MAN2B2: variants seen among roughly 807,000 people sequenced by gnomAD.
MAN2B2 encodes mannosidase alpha class 2B member 2.
A neutral mutation model predicts 117.1 loss-of-function variants in MAN2B2; 106 were observed. The ratio of observed to expected loss-of-function variants is 0.90; its 90% CI spans 0.77 to 1.06. The LOEUF (loss-of-function observed/expected upper bound fraction) is 1.06, where lower values mean the gene tolerates loss of function less well. Ranked by LOEUF, MAN2B2 falls within the 50% of genes least tolerant of loss-of-function variation. The probability of loss-of-function intolerance (pLI) is 0.00; values close to 1 mark genes in which losing one functional copy is unlikely to be tolerated. For synonymous variants in MAN2B2, 544 were observed against 595.1 expected (o/e 0.91, Z 1.25); for missense variants, 1,326 against 1,381.4 (o/e 0.96, Z 0.64).
intron 3 of MAN2B2, 114 bp from the exon 4 acceptor site, chr4:6,586,882 C>T: frequency 1.1e-6 from 1 of 882,582 alleles, no homozygotes; most frequent in Non-Finnish European, 1.8e-6. Flanking sequence ...CCCTGCCTGG[C>T]CCAGTAGCTG....
chr4:6,605,599 C>CT (rs1426261348), intron 11 of MAN2B2, among the ~76,000 whole-genome samples: 7 of 151,674 alleles, frequency 4.6e-5, no homozygotes, highest in Non-Finnish European at 7.4e-5. Flanking sequence ...AAAATTACCA[C>CT]TTTTTTTTTA....
chr4:6,619,953 G>C lies in MAN2B2; in HGVS notation c.2841G>C (p.Val947=). ...CTGTGCTGCAGGCGCTGGGGTCCGT[G>C]GTGGCAGTGGAGGAGCGCTCGCTCA... ...LEAVLQALGS[V]VAVEERSLTG... is the part of the protein sequence containing the mutation. The change falls in exon 18 of 19, where the codon GTG becomes GTC. Residue 947 remains valine, a synonymous_variant. Transcript: ENST00000285599. 5 of 1,613,930 alleles carry C rather than the reference G, an allele frequency of 3.1e-6. No homozygotes were observed. The highest frequency in any genetic ancestry group is 4.2e-6 in the Non-Finnish European group (5 of 1,179,974).
intron 6 of MAN2B2, among the ~76,000 whole-genome samples, chr4:6,593,694 T>C (rs925789379): frequency 1.3e-5 from 2 of 152,232 alleles, no homozygotes; most frequent in African/African-American, 4.8e-5. Context: ...GCAGGCTTCA[T>C]AGGCTTGGTG....
intron 16 of MAN2B2, among the ~76,000 whole-genome samples, chr4:6,616,369 A>G (rs1711874192): frequency 6.6e-6 from 1 of 152,092 alleles, no homozygotes; most frequent in South Asian, 2.1e-4. Context: ...ATCATGTGGC[A>G]AATGACAGCA....
At chr4:6,597,900 A>G (rs1449070501) in intron 8 of MAN2B2, among the ~76,000 whole-genome samples, 1 of 152,206 alleles carries the variant, frequency 6.6e-6, no homozygotes, top group Non-Finnish European at 1.5e-5. Context: ...CCCCAAAAGG[A>G]GCTGCTGGCA....
intron 3 of MAN2B2, among the ~76,000 whole-genome samples, chr4:6,579,295 C>CCAT (rs1726296707): frequency 4.3e-5 from 4 of 93,796 alleles, no homozygotes; most frequent in Non-Finnish European, 9.4e-5. Context: ...ACCATCACCA[C>CCAT]CACCATCACC....
At chr4:6,590,970 A>G (rs1368385910) in intron 5 of MAN2B2, among the ~76,000 whole-genome samples, 1 of 152,164 alleles carries the variant, frequency 6.6e-6, no homozygotes, top group East Asian at 1.9e-4. Context: ...CCAACCTGGT[A>G]AAACTCTGTC....
At chr4:6,615,017 A>C (rs1711796080) in intron 16 of MAN2B2, among the ~76,000 whole-genome samples, 1 of 152,132 alleles carries the variant, frequency 6.6e-6, no homozygotes, top group African/African-American at 2.4e-5. Context: ...CCCCCTCTAC[A>C]CCGTGAGCAG....
chr4:6,584,206 C>CT (rs1414805897), intron 3 of MAN2B2, among the ~76,000 whole-genome samples: 1 of 152,222 alleles, frequency 6.6e-6, no homozygotes, highest in Non-Finnish European at 1.5e-5. Context: ...GCTTGTCTAA[C>CT]TACCTGTAAC....
rs1007745238 is a variant in MAN2B2, at chr4:6,609,136, A to G, written c.1844A>G (p.Gln615Arg). The G allele has an allele frequency of 1.9e-6, 3 of 1,614,040 alleles. No individual in the cohort carries two copies. Among genetic ancestry groups the G allele is most frequent in the Non-Finnish European group, 2.5e-6 (3 of 1,180,024 alleles). Residue 615 changes from glutamine (Q) to arginine (R), a missense_variant, in exon 12 of 19, where the codon CAG becomes CGG. Gln to Arg is a conservative substitution (Grantham distance 43, BLOSUM62 1). Transcript: ENST00000285599. ...RQSNRTVRVT[Q>R]EFLEYHVNGD... Reference sequence around the variant, plus strand: ...AGTAACCGAACGGTGCGCGTGACCCAGGAATTCCTGGAGTACCACGTCAAC... The same window carrying G: ...AGTAACCGAACGGTGCGCGTGACCCGGGAATTCCTGGAGTACCACGTCAAC...
At position 6,609,788 on chromosome 4, in the gene MAN2B2, TCTC is replaced by T. The variant is rs761151003; in HGVS notation, c.2007-5_2007-3del. 1.8e-5 allele frequency: 29 copies of T among 1,609,638 alleles called. No homozygotes were observed. Among genetic ancestry groups the T allele is most frequent in the Non-Finnish European group, 2.4e-5 (28 of 1,176,736 alleles). ...GGAGCTTCACTTACTGATGCTCCCT[TCTC>T]CTCCAGGAACATGACAGCACAGAAT... On this transcript the variant is annotated splice_polypyrimidine_tract_variant and splice_region_variant and intron_variant, in intron 12 of 18. Coordinates refer to ENST00000285599, the MANE Select transcript of MAN2B2 (RefSeq NM_015274.3).
chr4:6,593,607 G>GC lies in MAN2B2; in HGVS notation c.858+258dup, dbSNP rs1577280970. On this transcript the variant is annotated intron_variant, in intron 6 of 18. Coordinates refer to ENST00000285599, the MANE Select transcript of MAN2B2 (RefSeq NM_015274.3). Reference sequence around the variant, plus strand: ...TCTCTTCCCTGCCTGGGCCGGGCTGGCTCCCGGCTCGGGCACTGCGTGCCT... The same window carrying GC: ...TCTCTTCCCTGCCTGGGCCGGGCTGGCCTCCCGGCTCGGGCACTGCGTGCCT... Among the ~76,000 whole-genome samples, 10 of 152,284 alleles carry GC rather than the reference G, an allele frequency of 6.6e-5. No homozygotes were observed. In the East Asian group the frequency reaches 1.9e-3, roughly 29 times the overall value.
At chr4:6,608,652 G>C (rs944109222) in intron 11 of MAN2B2, among the ~76,000 whole-genome samples, 3 of 152,156 alleles carry the variant, frequency 2.0e-5, no homozygotes, top group African/African-American at 7.2e-5. Context: ...AGTGGGATGG[G>C]TTAACAGTCC....
chr4:6,597,711 G>T (rs565385442), intron 8 of MAN2B2, among the ~76,000 whole-genome samples: 4 of 152,262 alleles, frequency 2.6e-5, no homozygotes, highest in Admixed American at 6.5e-5. Context: ...TGGGGCAATT[G>T]GATGTGCTGG....
chr4:6,589,267 C>CAGAAG, intron 5 of MAN2B2, 107 bp downstream of exon 5: 1 of 850,662 alleles, frequency 1.2e-6, no homozygotes, highest in Non-Finnish European at 1.9e-6. Context: ...AAGACAAGAG[C>CAGAAG]TTCTGCTCTG....
intron 13 of MAN2B2, 52 bp downstream of exon 13, chr4:6,610,102 C>T: frequency 4.4e-6 from 7 of 1,600,246 alleles, no homozygotes; most frequent in Non-Finnish European, 6.0e-6. Context: ...CTTTCCTGGA[C>T]CCATTAAGCA....
At chr4:6,602,447 G>A (rs1012563937) in intron 10 of MAN2B2, among the ~76,000 whole-genome samples, 2 of 152,034 alleles carry the variant, frequency 1.3e-5, no homozygotes, top group Admixed American at 6.6e-5. Context: ...TTTTTACGAG[G>A]GCACTAATCC....
intron 5 of MAN2B2, among the ~76,000 whole-genome samples, chr4:6,590,363 G>A (rs565743709): frequency 6.6e-6 from 1 of 152,262 alleles, no homozygotes; most frequent in East Asian, 1.9e-4. Flanking sequence ...TCCAGCCTGG[G>A]CCACAGAGCA....
At chr4:6,608,852 C>T (rs1353639631) in intron 11 of MAN2B2, among the ~76,000 whole-genome samples, 1 of 152,222 alleles carries the variant, frequency 6.6e-6, no homozygotes, top group African/African-American at 2.4e-5. Context: ...GGGGTGCCCT[C>T]TGCTGACGGC....
Sources: gnomAD v4.1 joint callset for allele counts (sites outside exome capture counted in the v4.1 genomes callset) on GRCh38, gnomAD v4.1.1 for gene constraint, MANE v1.5 for transcripts, NCBI Gene and HGNC (gene_info 2026-07-23, HGNC 2026-07-21) for gene names.